NSMCE2: variants seen among roughly 807,000 people sequenced by gnomAD.
NSMCE2 encodes the protein NSE2 SUMO ligase component of SMC5/6 complex.
In NSMCE2, 24 loss-of-function variants were observed where a neutral mutation model predicts 23.8. That is an observed-to-expected ratio of 1.01 (90% CI 0.73 to 1.42). The LOEUF (loss-of-function observed/expected upper bound fraction) is 1.42. Ranked by LOEUF, NSMCE2 falls within the 40% of genes most tolerant of loss-of-function variation. The pLI is 0.00. For synonymous variants in NSMCE2, 92 were observed against 94.1 expected (o/e 0.98, Z 0.13); for missense variants, 284 against 296.5 (o/e 0.96, Z 0.31).
intron 7 of NSMCE2, among the ~76,000 whole-genome samples, chr8:125,361,082 G>GCTTCTTT (rs1813527843): frequency 8.7e-6 from 1 of 115,264 alleles, no homozygotes; most frequent in Non-Finnish European, 1.8e-5. Flanking sequence ...TTTTTTTTTC[G>GCTTCTTT]TTTCTTTTTT....
At chr8:125,320,256 G>GGAAT (rs1330514146) in intron 5 of NSMCE2, among the ~76,000 whole-genome samples, 1 of 39,040 alleles carries the variant, frequency 2.6e-5, no homozygotes, top group African/African-American at 7.7e-5. Context: ...AGGGAGGGAA[G>GGAAT]GAAGGAAGGA....
intron 5 of NSMCE2, among the ~76,000 whole-genome samples, chr8:125,207,421 T>A (rs1307650526): frequency 1.3e-5 from 2 of 152,228 alleles, no homozygotes; most frequent in Non-Finnish European, 2.9e-5. Flanking sequence ...CAATTACTTT[T>A]TATTTAGAAA....
At chr8:125,272,031 T>TG (rs1422639152) in intron 5 of NSMCE2, among the ~76,000 whole-genome samples, 19 of 150,366 alleles carry the variant, frequency 1.3e-4, no homozygotes, top group Admixed American at 6.6e-4. Flanking sequence ...TTTTTTTTTT[T>TG]GAGACGGAGT....
At chr8:125,120,262 A>G (rs1341701130) in intron 3 of NSMCE2, among the ~76,000 whole-genome samples, 2 of 152,214 alleles carry the variant, frequency 1.3e-5, no homozygotes, top group Non-Finnish European at 2.9e-5. Flanking sequence ...GAGAAGGGCA[A>G]GAAAGCATAA....
intron 5 of NSMCE2, among the ~76,000 whole-genome samples, chr8:125,202,411 A>ATATATAG (rs1233019626): frequency 6.6e-6 from 1 of 152,254 alleles, no homozygotes; most frequent in African/African-American, 2.4e-5. Flanking sequence ...TGTTGATAAC[A>ATATATAG]GTGGTACAGA....
At chr8:125,228,906 C>G (rs1334033060) in intron 5 of NSMCE2, among the ~76,000 whole-genome samples, 1 of 152,200 alleles carries the variant, frequency 6.6e-6, no homozygotes. Context: ...GAGTGATTCC[C>G]TCTAAGTTAC....
chr8:125,254,277 T>C (rs145211230), intron 5 of NSMCE2, among the ~76,000 whole-genome samples: 113 of 152,310 alleles, frequency 7.4e-4, no homozygotes, highest in African/African-American at 2.5e-3. Context: ...AATGGCTGGA[T>C]GCATGTCAGT....
chr8:125,256,718 G>T (rs1040588398), intron 5 of NSMCE2, among the ~76,000 whole-genome samples: 1 of 151,786 alleles, frequency 6.6e-6, no homozygotes, highest in Non-Finnish European at 1.5e-5. Flanking sequence ...GAGGTCAGGA[G>T]ATCGGGACCA....
chr8:125,169,763 C>T (rs1822082075), intron 4 of NSMCE2, among the ~76,000 whole-genome samples: 1 of 151,816 alleles, frequency 6.6e-6, no homozygotes, highest in African/African-American at 2.4e-5. Context: ...CATAACTTTA[C>T]CTTCTTCAGT....
intron 5 of NSMCE2, among the ~76,000 whole-genome samples, chr8:125,252,468 G>C (rs1182138537): frequency 6.6e-6 from 1 of 152,182 alleles, no homozygotes; most frequent in African/African-American, 2.4e-5. Context: ...GGAGCTCGCA[G>C]TGAGCTGAGA....
intron 5 of NSMCE2, among the ~76,000 whole-genome samples, chr8:125,333,848 A>G (rs887797539): frequency 6.6e-6 from 1 of 152,094 alleles, no homozygotes; most frequent in Non-Finnish European, 1.5e-5. Flanking sequence ...GTTTGGAACC[A>G]CTGCGAGGCC....
intron 4 of NSMCE2, among the ~76,000 whole-genome samples, chr8:125,152,737 A>G (rs1327217779): frequency 6.6e-6 from 1 of 152,150 alleles, no homozygotes; most frequent in Non-Finnish European, 1.5e-5. Context: ...TAGGATTTGC[A>G]GATACTTAAG....
intron 5 of NSMCE2, among the ~76,000 whole-genome samples, chr8:125,195,751 CA>C (rs753969479): frequency 3.3e-5 from 5 of 151,972 alleles, no homozygotes; most frequent in Non-Finnish European, 7.4e-5. Flanking sequence ...AACTCTAAAA[CA>C]AATATGCCTA....
In NSMCE2 at chr8:125,207,985, G is replaced by A. The variant is rs921126196; in HGVS notation, c.418+25729G>A. 3.3e-5 allele frequency among the ~76,000 whole-genome samples: 5 copies of A among 152,204 alleles called. No homozygotes were observed. The East Asian group carries it at 9.6e-4, about 29-fold the overall frequency. ...ATTACAAGGCAGCCCAGATTCTAAGGGTGGGAGAATAGACTCTGCTTCTTG... is the reference window on the plus strand; with the variant it reads ...ATTACAAGGCAGCCCAGATTCTAAGAGTGGGAGAATAGACTCTGCTTCTTG... On this transcript the variant is annotated intron_variant, in intron 5 of 7. Transcript: ENST00000287437.
At chr8:125,330,926 G>A (rs1213660156) in intron 5 of NSMCE2, among the ~76,000 whole-genome samples, 3 of 152,144 alleles carry the variant, frequency 2.0e-5, no homozygotes, top group African/African-American at 7.2e-5. Flanking sequence ...CTCAAACTTT[G>A]TTCCCTTTAC....
chr8:125,337,770 C>T (rs1033225227), intron 5 of NSMCE2, among the ~76,000 whole-genome samples: 1 of 151,362 alleles, frequency 6.6e-6, no homozygotes, highest in African/African-American at 2.4e-5. Flanking sequence ...TGGCACATGG[C>T]TGTAATCCCA....
At chr8:125,105,974 GAC>G (rs1818437717) in intron 3 of NSMCE2, among the ~76,000 whole-genome samples, 1 of 151,984 alleles carries the variant, frequency 6.6e-6, no homozygotes, top group Non-Finnish European at 1.5e-5. Context: ...AACTTAGACA[GAC>G]ACAGAGTCAC....
intron 3 of NSMCE2, among the ~76,000 whole-genome samples, chr8:125,132,790 C>G (rs1329290908): frequency 6.6e-6 from 1 of 152,112 alleles, no homozygotes; most frequent in African/African-American, 2.4e-5. Flanking sequence ...CCACCCACAC[C>G]CAGCCCAATT....
chr8:125,161,192 G>A (rs1373526709), intron 4 of NSMCE2, among the ~76,000 whole-genome samples: 1 of 152,146 alleles, frequency 6.6e-6, no homozygotes, highest in Non-Finnish European at 1.5e-5. Flanking sequence ...CTCTCTCACA[G>A]CATCAAGTTT....
Sources: gnomAD v4.1 joint callset for allele counts (sites outside exome capture counted in the v4.1 genomes callset) on GRCh38, gnomAD v4.1.1 for gene constraint, MANE v1.5 for transcripts, NCBI Gene and HGNC (gene_info 2026-07-23, HGNC 2026-07-21) for gene names.